The following ANO4 variants were observed in gnomAD, a reference collection of about 807,000 sequenced individuals.
ANO4 encodes anoctamin-4.
Under a neutral mutation model 141.9 loss-of-function variants are expected in ANO4, and 69 were observed. The observed-to-expected ratio is 0.49, with a 90% CI of 0.40 to 0.59. The LOEUF is 0.59. Among genes scored for constraint, ANO4 ranks in the 20% least tolerant of loss-of-function variants. The probability of loss-of-function intolerance (pLI) is 0.00; values close to 1 mark genes in which losing one functional copy is unlikely to be tolerated. For synonymous variants in ANO4, 350 were observed against 394.3 expected, an observed-to-expected ratio of 0.89 and a Z score of 1.33; for missense variants, 894 against 1,162.2, an observed-to-expected ratio of 0.77 and a Z score of 3.36.
intron 3 of ANO4, among the ~76,000 whole-genome samples, chr12:100,782,087 C>T (rs1429304056): frequency 6.6e-6 from 1 of 152,196 alleles, no homozygotes; most frequent in African/African-American, 2.4e-5. Context: ...TCTCCTTTCT[C>T]AAAAGCTGGG....
At position 100,934,567 on chromosome 12, in the gene ANO4, A is replaced by G. The variant is rs369167798; in HGVS notation, c.161-4748A>G. Among the ~76,000 whole-genome samples the G allele has an allele frequency of 1.3e-4, 20 of 151,966 alleles. 2 individuals are homozygous for G. In the East Asian group the frequency reaches 2.9e-3, roughly 22 times the overall value. On this transcript the variant is annotated intron_variant, in intron 3 of 27. Coordinates refer to ENST00000392977, the MANE Select transcript of ANO4 (RefSeq NM_001286615.2). ...TTTTTTTGCTTAGGATTGTCTTGGC[A>G]ATGTGGGCTCTTTTTTGGTTCCATA...
intron 1 of ANO4, among the ~76,000 whole-genome samples, chr12:100,893,113 G>A (rs945739953): frequency 6.6e-6 from 1 of 151,464 alleles, no homozygotes; most frequent in African/African-American, 2.5e-5. Flanking sequence ...TGAGGGTTCT[G>A]GGGATGCTTG....
chr12:101,079,316 A>G, intron 15 of ANO4, 41 bp downstream of exon 15: 1 of 1,528,108 alleles, frequency 6.5e-7, no homozygotes, highest in Non-Finnish European at 9.0e-7. Flanking sequence ...AAAGCAAATC[A>G]CCCAGAACCA....
chr12:100,914,815 T>C (rs1477464672), intron 2 of ANO4, among the ~76,000 whole-genome samples: 4 of 152,078 alleles, frequency 2.6e-5, no homozygotes, highest in African/African-American at 7.2e-5. Context: ...CCCTCCCTTC[T>C]TTTTTATTTT....
chr12:100,745,603 T>C (rs2032067113), intron 3 of ANO4, among the ~76,000 whole-genome samples: 1 of 152,256 alleles, frequency 6.6e-6, no homozygotes, highest in South Asian at 2.1e-4. Flanking sequence ...AATTACCCCA[T>C]TATCAGTACA....
chr12:100,882,039 C>T (rs1593619960), intron 1 of ANO4, among the ~76,000 whole-genome samples: 1 of 151,928 alleles, frequency 6.6e-6, no homozygotes, highest in Non-Finnish European at 1.5e-5. Flanking sequence ...AGGCCTGATG[C>T]ACAACAACAA....
Position 100,983,794 on chromosome 12 carries a change from C to A in ANO4, c.603-3745C>A, listed in dbSNP as rs143517846. Among the ~76,000 whole-genome samples the A allele has an allele frequency of 2.9e-3, 447 of 152,284 alleles. 4 individuals carry two copies. The highest frequency in any genetic ancestry group is 5.4e-3 in the Non-Finnish European group (368 of 68,020). On this transcript the variant is annotated intron_variant, in intron 7 of 27. Transcript: ENST00000392977. The stretch of plus-strand genomic sequence containing the variant: ...GCCCATCTGAGTAATTCAGGATGCT[C>A]CCCCTATCTTAAGGTCTGTAACCTT...
intron 14 of ANO4, among the ~76,000 whole-genome samples, chr12:101,074,039 A>G (rs890369407): frequency 2.0e-5 from 3 of 152,140 alleles, no homozygotes; most frequent in African/African-American, 4.8e-5. Flanking sequence ...CTTTTCTAAG[A>G]TCTGTGAGGG....
At chr12:100,799,921 C>T (rs1352538399) in intron 1 of ANO4, among the ~76,000 whole-genome samples, 1 of 152,142 alleles carries the variant, frequency 6.6e-6, no homozygotes, top group Non-Finnish European at 1.5e-5. Context: ...GGGGCCCCTT[C>T]CATGATACAC....
At chr12:101,087,956 C>T (rs118048618) in intron 17 of ANO4, among the ~76,000 whole-genome samples, 2,243 of 152,272 alleles carry the variant, frequency 0.015, 30 homozygotes, top group Non-Finnish European at 0.022. Flanking sequence ...TTTCACATTG[C>T]TCCCTTCAAT....
intron 9 of ANO4, among the ~76,000 whole-genome samples, chr12:101,035,766 C>T (rs762609206): frequency 1.3e-5 from 2 of 152,154 alleles, no homozygotes; most frequent in Non-Finnish European, 2.9e-5. Flanking sequence ...AAAAACCAAA[C>T]ACCACATGTT....
At chr12:100,935,813 G>A (rs1160839043) in intron 3 of ANO4, among the ~76,000 whole-genome samples, 1 of 152,192 alleles carries the variant, frequency 6.6e-6, no homozygotes, top group Non-Finnish European at 1.5e-5. Context: ...GAAGTTGAGA[G>A]TTGCTTTTTT....
At chr12:100,777,454 T>G (rs2033562348) in intron 3 of ANO4, among the ~76,000 whole-genome samples, 1 of 151,782 alleles carries the variant, frequency 6.6e-6, no homozygotes. Flanking sequence ...TCATTTTTTA[T>G]ACTGTTTGCT....
intron 8 of ANO4, among the ~76,000 whole-genome samples, chr12:100,995,428 A>G (rs2045326359): frequency 6.6e-6 from 1 of 152,218 alleles, no homozygotes; most frequent in African/African-American, 2.4e-5. Flanking sequence ...TGATCCTGTA[A>G]GGCCTGTGGG....
chr12:101,062,318 C>T (rs1022083725), intron 14 of ANO4, among the ~76,000 whole-genome samples: 4 of 152,160 alleles, frequency 2.6e-5, no homozygotes, highest in Non-Finnish European at 4.4e-5. Flanking sequence ...AGGTGTCTGT[C>T]GACCCCTGCT....
intron 1 of ANO4, among the ~76,000 whole-genome samples, chr12:100,806,599 C>T (rs1318132580): frequency 8.5e-6 from 1 of 118,052 alleles, no homozygotes; most frequent in African/African-American, 3.2e-5. Context: ...GGCTGGAGTG[C>T]CGTGGCGTGA....
intron 3 of ANO4, among the ~76,000 whole-genome samples, chr12:100,753,157 C>T (rs537254870): frequency 3.9e-5 from 6 of 152,238 alleles, no homozygotes; most frequent in East Asian, 1.9e-4. Context: ...CTGATGGCAG[C>T]GTATTTGCTA....
intron 14 of ANO4, among the ~76,000 whole-genome samples, chr12:101,070,448 A>T (rs1006829833): frequency 1.3e-5 from 2 of 152,216 alleles, no homozygotes; most frequent in African/African-American, 4.8e-5. Context: ...GTGCTAGGAA[A>T]GCTGGATATC....
intron 1 of ANO4, among the ~76,000 whole-genome samples, chr12:100,804,120 G>A (rs1041883854): frequency 1.3e-5 from 2 of 152,122 alleles, no homozygotes; most frequent in Non-Finnish European, 2.9e-5. Flanking sequence ...CACACTGACA[G>A]GCCCCAGTGT....
Sources: gnomAD v4.1 joint callset for allele counts (sites outside exome capture counted in the v4.1 genomes callset) on GRCh38, gnomAD v4.1.1 for gene constraint, MANE v1.5 for transcripts, NCBI Gene and HGNC (gene_info 2026-07-23, HGNC 2026-07-21) for gene names.